Variants in FAM234A observed in about 807,000 individuals in gnomAD.
FAM234A encodes the protein family with sequence similarity 234 member A.
A neutral mutation model predicts 49.1 loss-of-function variants in FAM234A; 42 were observed. The observed-to-expected ratio is 0.86, with a 90% CI of 0.67 to 1.11. The LOEUF is 1.11. Among genes scored for constraint, FAM234A ranks in the 50% least tolerant of loss-of-function variants. The pLI is 0.00. For missense variants in FAM234A, 815 were observed against 745.2 expected, an observed-to-expected ratio of 1.09 and a Z score of -1.09; for synonymous variants, 369 against 316.2, an observed-to-expected ratio of 1.17 and a Z score of -1.77.
chr16:259,600 G>C lies in FAM234A; in HGVS notation c.385+1G>C. On this transcript the variant is annotated splice_donor_variant, in intron 4 of 12. Transcript: ENST00000399932. LOFTEE classifies it high-confidence loss of function. ...TTCAGCCGATCCTGTGTGGACGAAGGTAATTTCATTTTATATGAAAAAGGC... is the reference window on the plus strand; with the variant it reads ...TTCAGCCGATCCTGTGTGGACGAAGCTAATTTCATTTTATATGAAAAAGGC... 1 of 1,573,008 alleles carries C rather than the reference G, an allele frequency of 6.4e-7. No individual in the cohort carries two copies. The highest frequency in any genetic ancestry group is 8.7e-7 in the Non-Finnish European group (1 of 1,143,972).
chr16:261,515 G>T lies in FAM234A; in HGVS notation c.708+1G>T. 1 of 1,596,204 alleles carries T rather than the reference G, an allele frequency of 6.3e-7. No individual in the cohort carries two copies. On this transcript the variant is annotated splice_donor_variant, in intron 6 of 12. Coordinates refer to ENST00000399932, the MANE Select transcript of FAM234A (RefSeq NM_032039.4). LOFTEE classifies it high-confidence loss of function. ...GGTTCTCACCCAGGAGCGGGAGGAG[G>T]TACATCCCAGCCTGGCTCTGCTCCC...
At chr16:234,920 C>G (rs535214871) in intron 1 of FAM234A, 63 bp downstream of exon 1, 19 of 152,328 alleles carry the variant, frequency 1.2e-4, no homozygotes, top group Non-Finnish European at 2.9e-5. Flanking sequence ...GCCGCCCCTT[C>G]GCTCTGGGAC....
In FAM234A at chr16:236,203, G is replaced by GC. The variant is rs545377929; in HGVS notation, c.-140+1348dup. ...ACTCCTGACCTCAGGTGATCCACTC[G>GC]CCTCGGCCTCCCAAAGTGCTGGGAT... On this transcript the variant is annotated intron_variant, in intron 1 of 12. Coordinates refer to ENST00000399932, the MANE Select transcript of FAM234A (RefSeq NM_032039.4). Among the ~76,000 whole-genome samples, 961 of 149,554 alleles carry GC rather than the reference G, an allele frequency of 6.4e-3. 4 individuals carry two copies. The highest frequency in any genetic ancestry group is 0.011 in the Admixed American group (162 of 15,010).
intron 2 of FAM234A, among the ~76,000 whole-genome samples, chr16:251,374 TTTTTG>T (rs2050998638): frequency 6.6e-6 from 1 of 152,120 alleles, no homozygotes; most frequent in South Asian, 2.1e-4. Flanking sequence ...GTAGGGTTTT[TTTTTG>T]TTTTGTTTTT....
chr16:243,972 AT>A (rs72357722), intron 1 of FAM234A, among the ~76,000 whole-genome samples: 343 of 144,852 alleles, frequency 2.4e-3, no homozygotes, highest in Middle Eastern at 3.5e-3. Context: ...AAGGAAAATG[AT>A]TTTTTTTTTT....
chr16:262,355 A>C (rs2051500674), intron 7 of FAM234A, 69 bp from the exon 8 acceptor site: 1 of 1,556,620 alleles, frequency 6.4e-7, no homozygotes, highest in Non-Finnish European at 8.7e-7. Flanking sequence ...TCCATGTGGC[A>C]CTGCGTGCCC....
chr16:262,535 G>T lies in FAM234A; in HGVS notation c.953G>T (p.Arg318Leu). The T allele has an allele frequency of 6.2e-7, 1 of 1,606,708 alleles. No individual in the cohort carries two copies. Among genetic ancestry groups the T allele is most frequent in the Non-Finnish European group, 8.5e-7 (1 of 1,176,990 alleles). Residue 318 changes from arginine (R) to leucine (L), a missense_variant, in exon 8 of 13, where the codon CGC (arginine) becomes CTC (leucine). Physicochemically the swap from Arg to Leu is moderately radical, Grantham distance 102 (BLOSUM62 -2). Coordinates refer to ENST00000399932, the MANE Select transcript of FAM234A (RefSeq NM_032039.4). ...GAGAGCATGCTCAATGCCACCACCC[G>T]CAGGATGCTTTCCCACAGGTGGGTC... ...HWESMLNATT[R>L]RMLSHSSGAV...
In FAM234A at chr16:264,017, TC is replaced by T; in HGVS notation, c.1192del (p.Leu398CysfsTer14). The T allele has an allele frequency of 1.1e-5, 18 of 1,610,848 alleles. No homozygotes were observed. Among genetic ancestry groups the T allele is most frequent in the Non-Finnish European group, 1.5e-5 (18 of 1,178,258 alleles). ...CCACAGTGTCCCCTCCCTCCCCAGATCCTGTTTCTGGACCTTGGCACTGGAG... is the reference window on the plus strand; with the variant it reads ...CCACAGTGTCCCCTCCCTCCCCAGATCTGTTTCTGGACCTTGGCACTGGAG... ...VENGTGTDRQ[I>X]LFLDLGTGAV... On this transcript the variant is annotated frameshift_variant and splice_region_variant, in exon 11 of 13. Coordinates refer to ENST00000399932, the MANE Select transcript of FAM234A (RefSeq NM_032039.4). LOFTEE classifies it high-confidence loss of function.
intron 3 of FAM234A, among the ~76,000 whole-genome samples, chr16:257,615 T>TC (rs1247523155): frequency 2.0e-5 from 3 of 151,994 alleles, no homozygotes; most frequent in Admixed American, 6.6e-5. Flanking sequence ...GTTTTTTTTT[T>TC]CTAAGAGTTT....
rs1025374674 is a variant in FAM234A at position 266,024 on chromosome 16, G to C, written c.*1002G>C. Reference sequence around the variant, plus strand: ...GCCCAGGTCACAGAGCCTGAGCTTCGTAGCCAAAGCAGCCTGATGACCCAC... The same window carrying C: ...GCCCAGGTCACAGAGCCTGAGCTTCCTAGCCAAAGCAGCCTGATGACCCAC... On this transcript the variant is annotated 3_prime_UTR_variant, in exon 13 of 13. Transcript: ENST00000399932. 1.0e-6 allele frequency: 1 copy of C among 986,000 alleles called. No homozygotes were observed. The highest frequency in any genetic ancestry group is 4.7e-5 in the South Asian group (1 of 21,292). The allele number at this position is 986,000 out of a possible 1,614,324, so 61.1% of individuals were successfully genotyped here.
At chr16:249,960 T>C (rs923864524) in intron 2 of FAM234A, among the ~76,000 whole-genome samples, 1 of 152,078 alleles carries the variant, frequency 6.6e-6, no homozygotes, top group African/African-American at 2.4e-5. Context: ...AAAATTTTTC[T>C]TTTTAGACGG....
intron 3 of FAM234A, among the ~76,000 whole-genome samples, chr16:256,933 G>A (rs1463726780): frequency 6.6e-6 from 1 of 151,958 alleles, no homozygotes; most frequent in African/African-American, 2.4e-5. Context: ...GTAGAAACGG[G>A]GTTTCTCCAT....
downstream of FAM234A, among the ~76,000 whole-genome samples, chr16:266,356 T>C (rs528836145): frequency 6.6e-6 from 1 of 152,210 alleles, no homozygotes; most frequent in Non-Finnish European, 1.5e-5. Flanking sequence ...CCTGGCCCCA[T>C]GCAAGCGGGT....
chr16:261,993 A>C lies in FAM234A; in HGVS notation c.709-100A>C, dbSNP rs2239740. ...TCCCTCTCTTCCTGGGCCTTGTGTC[A>C]TTGCAGCCCCAGGCTCAGGTCCTTC... is the stretch of plus-strand genomic sequence containing the variant. On this transcript the variant is annotated intron_variant, in intron 6 of 12. Coordinates refer to ENST00000399932, the MANE Select transcript of FAM234A (RefSeq NM_032039.4). The C allele has an allele frequency of 2.4e-4, 218 of 918,160 alleles. 1 individual carries two copies. The African/African-American group carries it at 2.8e-3, about 12-fold the overall frequency. 56.9% of individuals were successfully genotyped at this position (918,160 alleles called of 1,614,324 possible).
Position 250,278 on chromosome 16 carries a change from G to C in FAM234A, c.-34+624G>C, listed in dbSNP as rs562552823. On this transcript the variant is annotated intron_variant, in intron 2 of 12. Coordinates refer to ENST00000399932, the MANE Select transcript of FAM234A (RefSeq NM_032039.4). ...TCACACATCCCTTCCTTGGGGACAT[G>C]GTGGCTAGATTTGCTGAATTAATGG... Among the ~76,000 whole-genome samples, 10 of 152,322 alleles carry C rather than the reference G, an allele frequency of 6.6e-5. No homozygotes were observed. The South Asian group carries it at 1.5e-3, about 22-fold the overall frequency.
At chr16:244,818 G>C (rs975915732) in intron 1 of FAM234A, among the ~76,000 whole-genome samples, 6 of 150,408 alleles carry the variant, frequency 4.0e-5, no homozygotes, top group African/African-American at 1.5e-4. Context: ...CTCCCGAGTA[G>C]CTGGGATTAC....
downstream of FAM234A, chr16:268,825 G>T (rs139307060): frequency 3.2e-6 from 5 of 1,550,314 alleles, no homozygotes; most frequent in Middle Eastern, 1.7e-4. Flanking sequence ...CAGAGCTCGC[G>T]CCGAGACCTG....
intron 1 of FAM234A, among the ~76,000 whole-genome samples, chr16:236,645 G>A (rs1263816961): frequency 3.3e-5 from 5 of 150,730 alleles, no homozygotes; most frequent in Non-Finnish European, 5.9e-5. Context: ...GGTGGCTCAC[G>A]CCTGTAATCC....
intron 1 of FAM234A, among the ~76,000 whole-genome samples, chr16:240,787 C>G (rs1447795989): frequency 6.6e-6 from 1 of 152,122 alleles, no homozygotes; most frequent in African/African-American, 2.4e-5. Flanking sequence ...CAGTTGTGAG[C>G]TACCACACCC....
Sources: gnomAD v4.1 joint callset for allele counts (sites outside exome capture counted in the v4.1 genomes callset) on GRCh38, gnomAD v4.1.1 for gene constraint, MANE v1.5 for transcripts, NCBI Gene and HGNC (gene_info 2026-07-23, HGNC 2026-07-21) for gene names.